Variants in ROR2 observed in about 807,000 individuals in gnomAD.
The protein encoded by ROR2 is tyrosine-protein kinase transmembrane receptor ROR2.
ROR2 carries 33 observed loss-of-function variants against 74.9 expected under a neutral mutation model. The ratio of observed to expected loss-of-function variants is 0.44; its 90% confidence interval spans 0.33 to 0.59. ROR2 has a LOEUF of 0.59. ROR2 is among the 20% of genes least tolerant of loss of function. The pLI is 0.02. For synonymous variants in ROR2, 586 were observed against 558.7 expected, an observed-to-expected ratio of 1.05 and a Z score of -0.69; for missense variants, 1,216 against 1,313.8, an observed-to-expected ratio of 0.93 and a Z score of 1.15.
rs72746235 is a variant in ROR2, at chr9:91,869,829, A to T, written c.97+80038T>A. The stretch of plus-strand genomic sequence containing the variant: ...GGTGTACTAACTTAACTAAAATTTT[A>T]AAAAATCTTCCTCAGGAACTTTTTT... On this transcript the variant is annotated intron_variant, in intron 1 of 8. Transcript: ENST00000375708. Among the ~76,000 whole-genome samples the T allele has an allele frequency of 3.4e-3, 513 of 152,336 alleles. 4 individuals carry two copies. Among genetic ancestry groups the T allele is most frequent in the Non-Finnish European group, 6.1e-3 (415 of 68,030 alleles).
intron 1 of ROR2, among the ~76,000 whole-genome samples, chr9:91,784,966 T>C (rs1215202762): frequency 4.6e-5 from 7 of 152,168 alleles, no homozygotes; most frequent in Non-Finnish European, 1.0e-4. Flanking sequence ...AGTTGCTCAT[T>C]AGGTGGATGA....
At chr9:91,769,738 G>A (rs867242763) in intron 2 of ROR2, among the ~76,000 whole-genome samples, 5 of 152,070 alleles carry the variant, frequency 3.3e-5, no homozygotes, top group Non-Finnish European at 5.9e-5. Context: ...AGCCAGCACC[G>A]CTCACTCCCG....
chr9:91,931,518 G>C (rs1484531893), intron 1 of ROR2, among the ~76,000 whole-genome samples: 2 of 152,164 alleles, frequency 1.3e-5, no homozygotes, highest in South Asian at 2.1e-4. Context: ...AGACAAAAGT[G>C]TAAGTGAAGA....
At chr9:91,775,122 T>C (rs1303080136) in intron 2 of ROR2, among the ~76,000 whole-genome samples, 1 of 152,168 alleles carries the variant, frequency 6.6e-6, no homozygotes, top group Non-Finnish European at 1.5e-5. Context: ...AGGAAGTGTG[T>C]GTGTTGTTTC....
At chr9:91,769,258 G>T (rs1201602693) in intron 2 of ROR2, among the ~76,000 whole-genome samples, 1 of 152,144 alleles carries the variant, frequency 6.6e-6, no homozygotes, top group Non-Finnish European at 1.5e-5. Flanking sequence ...TGTGGATGTG[G>T]ACACTGGACA....
At chr9:91,853,000 G>A (rs949438015) in intron 1 of ROR2, among the ~76,000 whole-genome samples, 4 of 152,240 alleles carry the variant, frequency 2.6e-5, no homozygotes, top group Non-Finnish European at 4.4e-5. Context: ...AAAGGCTGGC[G>A]GAGCGCGAGG....
intron 1 of ROR2, among the ~76,000 whole-genome samples, chr9:91,785,608 T>G (rs771104053): frequency 6.6e-6 from 1 of 152,240 alleles, no homozygotes. Context: ...CTCTGAGTTT[T>G]GGCTCACTGT....
chr9:91,732,412 C>G (rs1837274162), intron 6 of ROR2, among the ~76,000 whole-genome samples: 1 of 152,182 alleles, frequency 6.6e-6, no homozygotes, highest in Non-Finnish European at 1.5e-5. Context: ...GCTCTTCGTC[C>G]TGTGCAGACC....
intron 1 of ROR2, among the ~76,000 whole-genome samples, chr9:91,855,110 A>C (rs916389640): frequency 6.6e-6 from 1 of 152,146 alleles, no homozygotes; most frequent in African/African-American, 2.4e-5. Context: ...AAAATATCTT[A>C]ACTTTAAGTC....
At chr9:91,753,887 A>G (rs1447430246) in intron 4 of ROR2, among the ~76,000 whole-genome samples, 1 of 152,206 alleles carries the variant, frequency 6.6e-6, no homozygotes, top group Admixed American at 6.5e-5. Flanking sequence ...CACTCCAGAA[A>G]TTTCTCATCA....
intron 1 of ROR2, among the ~76,000 whole-genome samples, chr9:91,907,225 G>A (rs533453250): frequency 6.6e-6 from 1 of 152,188 alleles, no homozygotes; most frequent in African/African-American, 2.4e-5. Flanking sequence ...ATTCTCAATG[G>A]CTCTGCATAT....
chr9:91,876,343 C>A (rs966365421), intron 1 of ROR2, among the ~76,000 whole-genome samples: 1 of 150,570 alleles, frequency 6.6e-6, no homozygotes, highest in African/African-American at 2.5e-5. Context: ...CACTCCAGCA[C>A]GGGCGGCAGA....
intron 1 of ROR2, among the ~76,000 whole-genome samples, chr9:91,887,353 T>C (rs148254407): frequency 6.7e-4 from 102 of 152,328 alleles, no homozygotes; most frequent in Middle Eastern, 6.8e-3. Context: ...TATATTAATA[T>C]AGTACTTCCC....
rs1830113291 is a variant in ROR2 at position 91,881,576 on chromosome 9, G to A, written c.97+68291C>T. On this transcript the variant is annotated intron_variant, in intron 1 of 8. Transcript: ENST00000375708. The stretch of plus-strand genomic sequence containing the variant: ...CTGTTAGTACTCCTTTTTTGATGGT[G>A]AGTTATCTCCAGCAGCATAGTTACA... Among the ~76,000 whole-genome samples, 4 of 152,240 alleles carry A rather than the reference G, an allele frequency of 2.6e-5. No individual in the cohort carries two copies. In the South Asian group the frequency reaches 8.3e-4, roughly 32 times the overall value.
At chr9:91,785,049 G>C (rs543217798) in intron 1 of ROR2, among the ~76,000 whole-genome samples, 1 of 152,204 alleles carries the variant, frequency 6.6e-6, no homozygotes, top group East Asian at 1.9e-4. Flanking sequence ...GGAAAAGCTA[G>C]CTCCCTTCAC....
intron 2 of ROR2, among the ~76,000 whole-genome samples, chr9:91,769,888 A>G (rs1224192735): frequency 6.6e-6 from 1 of 152,162 alleles, no homozygotes; most frequent in East Asian, 1.9e-4. Flanking sequence ...ACGTTTTCAG[A>G]GACTCTGAGC....
intron 4 of ROR2, among the ~76,000 whole-genome samples, chr9:91,747,738 C>A (rs1825470042): frequency 6.6e-6 from 1 of 152,114 alleles, no homozygotes. Context: ...GTAAGCATAT[C>A]ATCACGGTGG....
At chr9:91,778,379 C>T (rs1028794824) in intron 1 of ROR2, among the ~76,000 whole-genome samples, 5 of 152,314 alleles carry the variant, frequency 3.3e-5, no homozygotes, top group Middle Eastern at 3.4e-3. Flanking sequence ...TGATCACGGT[C>T]GTGCGCCCTG....
At position 91,724,613 on chromosome 9, in the gene ROR2, C is replaced by T. The variant is rs1460725263; in HGVS notation, c.1881G>A (p.Leu627=). The T allele has an allele frequency of 6.2e-7, 1 of 1,614,228 alleles. No individual in the cohort carries two copies. The highest frequency in any genetic ancestry group is 1.1e-5 in the South Asian group (1 of 91,090). Residue 627 remains leucine (L), a synonymous_variant, in exon 9 of 9, where the codon CTG becomes CTA. Transcript: ENST00000375708. ...ATRNVLVYDK[L]NVKISDLGLF... ...GGCCCAAGTCTGAGATCTTCACGTTCAGCTTGTCGTACACTAGCACATTGC... is the reference window on the plus strand; with the variant it reads ...GGCCCAAGTCTGAGATCTTCACGTTTAGCTTGTCGTACACTAGCACATTGC...
Sources: gnomAD v4.1 joint callset for allele counts (sites outside exome capture counted in the v4.1 genomes callset) on GRCh38, gnomAD v4.1.1 for gene constraint, MANE v1.5 for transcripts, NCBI Gene and HGNC (gene_info 2026-07-23, HGNC 2026-07-21) for gene names.